ARHGEF4: variants seen among roughly 807,000 people sequenced by gnomAD.
ARHGEF4 encodes Rho guanine nucleotide exchange factor 4.
A neutral mutation model predicts 162.0 loss-of-function variants in ARHGEF4; 119 were observed. The observed-to-expected ratio is 0.73, with a 90% CI of 0.63 to 0.86. ARHGEF4 has a LOEUF of 0.86. ARHGEF4 is among the 40% of genes least tolerant of loss of function. The probability of loss-of-function intolerance (pLI) is 0.00; values close to 1 mark genes in which losing one functional copy is unlikely to be tolerated. For synonymous variants in ARHGEF4, 1,014 were observed against 979.9 expected, an observed-to-expected ratio of 1.03 and a Z score of -0.65; for missense variants, 2,488 against 2,456.0, an observed-to-expected ratio of 1.01 and a Z score of -0.28.
rs190623929 is a variant in ARHGEF4 at position 131,030,902 on chromosome 2, T to G, written c.4125+2818T>G. 4.6e-5 allele frequency among the ~76,000 whole-genome samples: 7 copies of G among 152,318 alleles called. No homozygotes were observed. The East Asian group carries it at 1.4e-3, about 29-fold the overall frequency. On this transcript the variant is annotated intron_variant, in intron 5 of 13. Transcript: ENST00000409359. ...AGAAACTGAAAAGATAAGAAGTGAT[T>G]GTCCTGCGACAGGCCAGTTCCCGGG...
intron 4 of ARHGEF4, among the ~76,000 whole-genome samples, chr2:130,990,354 T>G (rs1305829531): frequency 6.6e-6 from 1 of 152,168 alleles, no homozygotes; most frequent in Non-Finnish European, 1.5e-5. Context: ...TTCACCAGTC[T>G]GACACTTAAC....
chr2:130,984,249 A>G (rs1686318138), intron 4 of ARHGEF4, among the ~76,000 whole-genome samples: 1 of 152,176 alleles, frequency 6.6e-6, no homozygotes, highest in Non-Finnish European at 1.5e-5. Flanking sequence ...AACAGCACCA[A>G]AGGAGAGCAC....
At chr2:130,927,162 T>A (rs1682346693) in intron 2 of ARHGEF4, among the ~76,000 whole-genome samples, 1 of 152,060 alleles carries the variant, frequency 6.6e-6, no homozygotes, top group Non-Finnish European at 1.5e-5. Flanking sequence ...TGGCAGTGGG[T>A]GCTTGTCCAA....
At chr2:130,882,078 T>G (rs993606875) in intron 1 of ARHGEF4, among the ~76,000 whole-genome samples, 1 of 152,078 alleles carries the variant, frequency 6.6e-6, no homozygotes, top group Non-Finnish European at 1.5e-5. Flanking sequence ...CAAGCAGGGA[T>G]AGACCTGCAA....
intron 4 of ARHGEF4, among the ~76,000 whole-genome samples, chr2:131,009,149 T>C (rs1688301918): frequency 6.6e-6 from 1 of 152,262 alleles, no homozygotes; most frequent in African/African-American, 2.4e-5. Context: ...ATTGTGGTGG[T>C]GTCCTGTGGG....
chr2:131,041,456 A>G lies in ARHGEF4; in HGVS notation c.4889A>G (p.Gln1630Arg). 6.2e-7 allele frequency: 1 copy of G among 1,612,022 alleles called. No individual in the cohort carries two copies. The highest frequency in any genetic ancestry group is 8.5e-7 in the Non-Finnish European group (1 of 1,179,608). ...LAELLKYTHPQHRDFKDVEAA... is the reference protein window; with the variant it reads ...LAELLKYTHPRHRDFKDVEAA... ...GAGCTGCTCAAATACACGCACCCCC[A>G]GCACAGGTAGGAGGGCACTGAGGCA... The change falls in exon 9 of 14, where the codon CAG becomes CGG. Residue 1630 changes from glutamine (Q) to arginine (R), a missense_variant. Gln to Arg is a conservative substitution (Grantham distance 43). This residue lies in a region of ARHGEF4 where 415 missense variants were observed against 512.4 expected (regional missense o/e 0.81). Coordinates refer to ENST00000409359, the MANE Select transcript of ARHGEF4 (RefSeq NM_001367493.1).
chr2:130,924,371 A>G (rs546972192), intron 2 of ARHGEF4, among the ~76,000 whole-genome samples: 68 of 149,378 alleles, frequency 4.6e-4, no homozygotes, highest in Middle Eastern at 3.5e-3. Flanking sequence ...GGTTCGAATT[A>G]TTCTCCTGCC....
Position 131,040,100 on chromosome 2 carries a change from CAGAGCAGCA to C in ARHGEF4, c.4393_4401del (p.Ser1465_Lys1467del). The C allele has an allele frequency of 6.2e-7, 1 of 1,610,734 alleles. No individual in the cohort carries two copies. Among genetic ancestry groups the C allele is most frequent in the Non-Finnish European group, 8.5e-7 (1 of 1,178,212 alleles). On this transcript the variant is annotated inframe_deletion, in exon 7 of 14. Coordinates refer to ENST00000409359, the MANE Select transcript of ARHGEF4 (RefSeq NM_001367493.1). ...AGCGGAGGACGGCGGGGCGGAGGCG[CAGAGCAGCA>C]AGGACCAGATGCGGACCAACGTCAT... is the stretch of plus-strand genomic sequence containing the variant.
intron 1 of ARHGEF4, among the ~76,000 whole-genome samples, chr2:130,849,066 C>T (rs769072682): frequency 1.3e-5 from 2 of 152,186 alleles, no homozygotes; most frequent in Non-Finnish European, 2.9e-5. Flanking sequence ...TGCCCCCCTC[C>T]TCCTTGGGTC....
intron 4 of ARHGEF4, among the ~76,000 whole-genome samples, chr2:131,024,888 T>A (rs1689379986): frequency 6.6e-6 from 1 of 152,204 alleles, no homozygotes; most frequent in African/African-American, 2.4e-5. Context: ...TTGTGTACTT[T>A]TGAAACTTTC....
chr2:130,951,491 G>A (rs907750149), intron 4 of ARHGEF4, among the ~76,000 whole-genome samples: 3 of 152,164 alleles, frequency 2.0e-5, no homozygotes, highest in African/African-American at 7.2e-5. Flanking sequence ...ATGGATGGTC[G>A]GTGGAGCAGT....
chr2:130,993,109 C>T (rs1335422878), intron 4 of ARHGEF4, among the ~76,000 whole-genome samples: 1 of 152,086 alleles, frequency 6.6e-6, no homozygotes, highest in East Asian at 1.9e-4. Context: ...AAATAGACAT[C>T]AAGGCTGCTC....
In ARHGEF4 at chr2:130,914,164, G is replaced by A. The variant is rs1020951033; in HGVS notation, c.218G>A (p.Ser73Asn). The A allele has an allele frequency of 2.6e-6, 4 of 1,536,026 alleles. No individual in the cohort carries two copies. Among genetic ancestry groups the A allele is most frequent in the African/African-American group, 2.7e-5 (2 of 73,050 alleles). The change falls in exon 2 of 14, where the codon AGT (serine) becomes AAT (asparagine). Residue 73 changes from serine to asparagine, a missense_variant. By Grantham distance (46) the Ser-to-Asn change is conservative. Around this residue, in one of 6 missense-constraint regions of ARHGEF4, gnomAD observed 171 missense variants for 169.4 expected, o/e 1.01. Coordinates refer to ENST00000409359, the MANE Select transcript of ARHGEF4 (RefSeq NM_001367493.1). Reference sequence around the variant, plus strand: ...GACACAAAAACTGACCCCTTTGAAAGTGCCTCTGACACAGAGTCCTTGTCT... The same window carrying A: ...GACACAAAAACTGACCCCTTTGAAAATGCCTCTGACACAGAGTCCTTGTCT... The part of the protein sequence containing the change: ...GSDTKTDPFE[S>N]ASDTESLSGY...
At chr2:130,912,000 G>C (rs1347869856) in intron 1 of ARHGEF4, among the ~76,000 whole-genome samples, 2 of 152,254 alleles carry the variant, frequency 1.3e-5, no homozygotes, top group Non-Finnish European at 2.9e-5. Flanking sequence ...GATGGCTCCA[G>C]TGTCCCTTAG....
At chr2:130,844,953 A>G (rs941054860) in intron 1 of ARHGEF4, among the ~76,000 whole-genome samples, 1 of 151,758 alleles carries the variant, frequency 6.6e-6, no homozygotes, top group Non-Finnish European at 1.5e-5. Flanking sequence ...TCTCTAAAGT[A>G]GCTGGGATTA....
chr2:130,850,465 C>A (rs999289407), intron 1 of ARHGEF4, among the ~76,000 whole-genome samples: 1 of 152,242 alleles, frequency 6.6e-6, no homozygotes, highest in Non-Finnish European at 1.5e-5. Context: ...TCCTGGGAGC[C>A]TCTCCAGCTG....
At position 130,916,361 on chromosome 2, in the gene ARHGEF4, C is replaced by A. The variant is rs1300881328; in HGVS notation, c.2415C>A (p.Pro805=). The A allele has an allele frequency of 1.9e-6, 3 of 1,541,714 alleles. No homozygotes were observed. Among genetic ancestry groups the A allele is most frequent in the Admixed American group, 2.0e-5 (1 of 50,408 alleles). ...TGACCTCCTTCAGGAAGGGCAGGCC[C>A]TTGGCCACTGAGAGCCCAGGAGGGG... ...SKVTSFRKGR[P]LATESPGGVP... Residue 805 remains proline (P), a synonymous_variant, in exon 2 of 14, where the codon CCC becomes CCA. Transcript: ENST00000409359.
In ARHGEF4 at chr2:130,896,511, C is replaced by T. The variant is rs533458584; in HGVS notation, c.40-17475C>T. ...CAGTAGTCCACTATGTTCCGGGCGC[C>T]TAGTTGAACCCTCCCAACCGCAATA... On this transcript the variant is annotated intron_variant, in intron 1 of 13. Coordinates refer to ENST00000409359, the MANE Select transcript of ARHGEF4 (RefSeq NM_001367493.1). 2.0e-5 allele frequency among the ~76,000 whole-genome samples: 3 copies of T among 152,332 alleles called. No individual in the cohort carries two copies. In the East Asian group the frequency reaches 5.8e-4, roughly 29 times the overall value.
chr2:130,852,631 C>T (rs1681489967), intron 1 of ARHGEF4, among the ~76,000 whole-genome samples: 1 of 152,120 alleles, frequency 6.6e-6, no homozygotes, highest in East Asian at 1.9e-4. Context: ...TGCACGGAGG[C>T]GAGCGAGCAC....
Sources: allele counts gnomAD v4.1 joint callset (sites outside exome capture counted in the v4.1 genomes callset), GRCh38; gene constraint gnomAD v4.1.1; regional missense constraint gnomAD v4.1.1; transcripts MANE v1.5; gene names NCBI Gene and HGNC (gene_info 2026-07-23, HGNC 2026-07-21).